The following FSTL4 variants were observed in gnomAD, a reference collection of about 807,000 sequenced individuals.
FSTL4 encodes follistatin-related protein 4.
In FSTL4, 28 loss-of-function variants were observed where a neutral mutation model predicts 78.2. The ratio of observed to expected loss-of-function variants is 0.36; its 90% CI spans 0.27 to 0.49. FSTL4 has a LOEUF of 0.49. Ranked by LOEUF, FSTL4 falls within the 20% of genes least tolerant of loss-of-function variation. The pLI, the probability that FSTL4 is intolerant of heterozygous loss-of-function variation, is 0.98. For missense variants in FSTL4, 922 were observed against 1,084.9 expected, an observed-to-expected ratio of 0.85 and a Z score of 2.11; for synonymous variants, 422 against 440.5, an observed-to-expected ratio of 0.96 and a Z score of 0.53.
chr5:133,821,030 A>G, the FSTL4 span, among the ~76,000 whole-genome samples: 28,896 of 152,250 alleles, frequency 0.19, 2,942 homozygotes, highest in African/African-American at 0.21. Flanking sequence ...ACATTTTCTG[A>G]AAACTTGTTA....
intron 3 of FSTL4, among the ~76,000 whole-genome samples, chr5:133,425,760 A>G (rs1756799498): frequency 1.3e-5 from 2 of 152,242 alleles, no homozygotes; most frequent in Admixed American, 1.3e-4. Flanking sequence ...GGGACACAGC[A>G]GAGAATAAGG....
chr5:133,552,825 C>T (rs996949859), intron 3 of FSTL4, among the ~76,000 whole-genome samples: 3 of 152,112 alleles, frequency 2.0e-5, no homozygotes, highest in Non-Finnish European at 4.4e-5. Context: ...TCTTTCAGGA[C>T]CCAACGTGAC....
At chr5:133,330,772 G>C (rs1428049583) in intron 4 of FSTL4, among the ~76,000 whole-genome samples, 3 of 152,164 alleles carry the variant, frequency 2.0e-5, no homozygotes, top group African/African-American at 4.8e-5. Flanking sequence ...GGTGGCTTTA[G>C]GTCTGACAGG....
At chr5:133,604,193 C>T (rs1028326529) in intron 1 of FSTL4, among the ~76,000 whole-genome samples, 200 bp from the exon 2 acceptor site, 2 of 152,056 alleles carry the variant, frequency 1.3e-5, no homozygotes, top group Non-Finnish European at 1.5e-5. Flanking sequence ...ATATGTACCT[C>T]GAAAGGCTTT....
chr5:133,423,791 G>A (rs1756748711), intron 3 of FSTL4, among the ~76,000 whole-genome samples: 1 of 152,136 alleles, frequency 6.6e-6, no homozygotes, highest in Non-Finnish European at 1.5e-5. Context: ...TGAGGCCACG[G>A]GACTGCTCTC....
intron 6 of FSTL4, among the ~76,000 whole-genome samples, chr5:133,281,121 C>A (rs1280118608): frequency 6.6e-6 from 1 of 152,096 alleles, no homozygotes; most frequent in Non-Finnish European, 1.5e-5. Context: ...TCTGGGACAC[C>A]CCCTGGAGTT....
At chr5:133,668,992 A>G in the FSTL4 span, among the ~76,000 whole-genome samples, 2 of 152,220 alleles carry the variant, frequency 1.3e-5, no homozygotes, top group Admixed American at 6.5e-5. Context: ...GCAAATTATG[A>G]TATTAAAAAT....
the FSTL4 span, among the ~76,000 whole-genome samples, chr5:133,822,072 A>G: frequency 6.6e-6 from 1 of 152,222 alleles, no homozygotes; most frequent in Non-Finnish European, 1.5e-5. Flanking sequence ...CATTGCAAGA[A>G]CAAAGAGAAA....
intron 4 of FSTL4, among the ~76,000 whole-genome samples, chr5:133,360,286 T>C (rs1386474740): frequency 6.6e-6 from 1 of 152,160 alleles, no homozygotes; most frequent in Admixed American, 6.5e-5. Context: ...CATTTGATGA[T>C]GAGAAAGAAA....
At chr5:133,385,541 C>T (rs953224453) in intron 4 of FSTL4, among the ~76,000 whole-genome samples, 1 of 152,202 alleles carries the variant, frequency 6.6e-6, no homozygotes, top group Non-Finnish European at 1.5e-5. Context: ...ATGGGCTGCA[C>T]AGAGGCTGAG....
intron 2 of FSTL4, among the ~76,000 whole-genome samples, chr5:133,599,144 A>G (rs1760802311): frequency 6.6e-6 from 1 of 152,222 alleles, no homozygotes; most frequent in Non-Finnish European, 1.5e-5. Context: ...CAATGAATAC[A>G]TAAGAACAGT....
intron 4 of FSTL4, among the ~76,000 whole-genome samples, chr5:133,375,691 T>C (rs903966001): frequency 1.3e-5 from 2 of 152,182 alleles, no homozygotes; most frequent in African/African-American, 4.8e-5. Flanking sequence ...TTGGGTATAG[T>C]TGATCCATTA....
chr5:133,283,009 G>A (rs964751382), intron 6 of FSTL4, among the ~76,000 whole-genome samples: 5 of 152,116 alleles, frequency 3.3e-5, no homozygotes, highest in African/African-American at 1.2e-4. Context: ...GGCATGGAAT[G>A]TCTGTTAGCA....
intron 3 of FSTL4, among the ~76,000 whole-genome samples, chr5:133,402,172 G>C (rs1202755496): frequency 1.3e-5 from 2 of 152,194 alleles, no homozygotes; most frequent in Non-Finnish European, 2.9e-5. Flanking sequence ...CTGAGCCCCT[G>C]GAAACGGGCG....
chr5:133,631,603 A>T, the FSTL4 span, among the ~76,000 whole-genome samples: 1 of 152,152 alleles, frequency 6.6e-6, no homozygotes, highest in Non-Finnish European at 1.5e-5. Context: ...TTCCTCAAGG[A>T]TCTAGAACCA....
chr5:133,228,891 A>C (rs1376409233), intron 8 of FSTL4, among the ~76,000 whole-genome samples: 1 of 152,252 alleles, frequency 6.6e-6, no homozygotes, highest in African/African-American at 2.4e-5. Flanking sequence ...GGATGTTGTC[A>C]ATGGAAGGCA....
intron 4 of FSTL4, among the ~76,000 whole-genome samples, chr5:133,374,814 GCTACCAC>G (rs1185048990): frequency 3.3e-5 from 5 of 152,080 alleles, no homozygotes; most frequent in Non-Finnish European, 7.4e-5. Context: ...ACACAGTTCT[GCTACCAC>G]CTTGATCTTG....
intron 4 of FSTL4, among the ~76,000 whole-genome samples, chr5:133,332,256 T>C (rs1754366596): frequency 6.6e-6 from 1 of 152,218 alleles, no homozygotes; most frequent in Non-Finnish European, 1.5e-5. Flanking sequence ...CTGATGGGAT[T>C]TGGCAGATGT....
At chr5:133,707,668 TGAG>T in the FSTL4 span, among the ~76,000 whole-genome samples, 795 of 152,280 alleles carry the variant, frequency 5.2e-3, 8 homozygotes, top group South Asian at 0.047. Context: ...TGCTGTGCTC[TGAG>T]GACTAAACAA....
Sources: allele counts gnomAD v4.1 joint callset (sites outside exome capture counted in the v4.1 genomes callset), GRCh38; gene constraint gnomAD v4.1.1; transcripts MANE v1.5; gene names NCBI Gene and HGNC (gene_info 2026-07-23, HGNC 2026-07-21).